ASIC2: variants seen among roughly 807,000 people sequenced by gnomAD.
ASIC2 encodes acid sensing ion channel subunit 2, also known as acid-sensing ion channel 2.
In ASIC2, 25 loss-of-function variants were observed where a neutral mutation model predicts 57.3. The observed-to-expected ratio is 0.44, with a 90% CI of 0.32 to 0.61. The LOEUF is 0.61. ASIC2 is among the 20% of genes least tolerant of loss of function. The probability of loss-of-function intolerance (pLI) is 0.06; values close to 1 mark genes in which losing one functional copy is unlikely to be tolerated. For synonymous variants in ASIC2, 319 were observed against 307.5 expected (o/e 1.04, Z -0.39); for missense variants, 641 against 738.1 (o/e 0.87, Z 1.52).
At chr17:33,058,527 C>CT (rs1214270416) in intron 3 of ASIC2, among the ~76,000 whole-genome samples, 1 of 147,328 alleles carries the variant, frequency 6.8e-6, no homozygotes, top group Non-Finnish European at 1.5e-5. Context: ...CACCAAACAT[C>CT]TTTTTGCTTC....
At chr17:33,440,780 C>G (rs1911795996) in intron 1 of ASIC2, among the ~76,000 whole-genome samples, 1 of 152,114 alleles carries the variant, frequency 6.6e-6, no homozygotes, top group African/African-American at 2.4e-5. Context: ...AATGTGTACT[C>G]AAATCTTTTA....
intron 1 of ASIC2, among the ~76,000 whole-genome samples, chr17:33,665,679 A>G (rs898501968): frequency 6.6e-6 from 1 of 152,226 alleles, no homozygotes; most frequent in African/African-American, 2.4e-5. Context: ...TAATCCAAGT[A>G]TATTTTCCAA....
intron 1 of ASIC2, among the ~76,000 whole-genome samples, chr17:33,722,366 G>T (rs893713622): frequency 6.6e-6 from 1 of 152,168 alleles, no homozygotes; most frequent in African/African-American, 2.4e-5. Flanking sequence ...CCCAGTCTCA[G>T]GTATGTCCTT....
chr17:33,487,337 C>T (rs1913606460), intron 1 of ASIC2, among the ~76,000 whole-genome samples: 1 of 152,204 alleles, frequency 6.6e-6, no homozygotes, highest in Non-Finnish European at 1.5e-5. Context: ...AGGGGCCCCA[C>T]ATTGATACTG....
At chr17:33,405,752 G>A (rs1910451833) in intron 1 of ASIC2, among the ~76,000 whole-genome samples, 1 of 151,964 alleles carries the variant, frequency 6.6e-6, no homozygotes, top group South Asian at 2.1e-4. Flanking sequence ...AAAGTGCTGG[G>A]ATTACAGGCT....
chr17:33,316,976 C>T (rs1416330245), intron 1 of ASIC2, among the ~76,000 whole-genome samples: 1 of 152,222 alleles, frequency 6.6e-6, no homozygotes, highest in African/African-American at 2.4e-5. Context: ...ACGCCCTGCA[C>T]ATTTCTCTTT....
rs552752834 is a variant in ASIC2, at chr17:33,421,640, C to T, written c.556-309573G>A. 3.7e-4 allele frequency among the ~76,000 whole-genome samples: 56 copies of T among 152,244 alleles called. 1 individual carries two copies. Among genetic ancestry groups the T allele is most frequent in the Middle Eastern group, 6.8e-3 (2 of 294 alleles). ...GGTAGACAAAGAGAAATCAGAGCAGCGGAAGGCAAAAGTGAGGTTTGTTTT... is the reference window on the plus strand; with the variant it reads ...GGTAGACAAAGAGAAATCAGAGCAGTGGAAGGCAAAAGTGAGGTTTGTTTT... On this transcript the variant is annotated intron_variant, in intron 1 of 9. Coordinates refer to the ASIC2 transcript ENST00000359872.
At chr17:33,888,313 A>G (rs1914877752) in intron 1 of ASIC2, among the ~76,000 whole-genome samples, 1 of 152,194 alleles carries the variant, frequency 6.6e-6, no homozygotes, top group African/African-American at 2.4e-5. Context: ...ACAAAGGCCC[A>G]GCATAGCAAG....
At chr17:33,975,580 T>A (rs1310721231) in intron 1 of ASIC2, among the ~76,000 whole-genome samples, 2 of 152,110 alleles carry the variant, frequency 1.3e-5, no homozygotes, top group Non-Finnish European at 2.9e-5. Flanking sequence ...TAATAACTCA[T>A]GCTCCCATGG....
intron 1 of ASIC2, among the ~76,000 whole-genome samples, chr17:34,124,720 T>C (rs190852809): frequency 3.3e-5 from 5 of 152,298 alleles, no homozygotes; most frequent in East Asian, 3.9e-4. Context: ...TCCCAGTTTA[T>C]ACGTGGCTGC....
At chr17:33,415,237 A>T (rs1910801886) in intron 1 of ASIC2, among the ~76,000 whole-genome samples, 1 of 152,166 alleles carries the variant, frequency 6.6e-6, no homozygotes, top group South Asian at 2.1e-4. Flanking sequence ...GGCCCAGGAC[A>T]CCTCAGGGAC....
At chr17:34,069,040 C>T (rs1271499761) in intron 1 of ASIC2, among the ~76,000 whole-genome samples, 3 of 152,244 alleles carry the variant, frequency 2.0e-5, no homozygotes, top group South Asian at 2.1e-4. Context: ...CTGGCTCCCA[C>T]TGACACAGGA....
At chr17:33,766,422 C>T (rs145593116) in intron 1 of ASIC2, among the ~76,000 whole-genome samples, 2 of 152,160 alleles carry the variant, frequency 1.3e-5, no homozygotes, top group African/African-American at 2.4e-5. Context: ...TTCCTTGAAG[C>T]CTCTCTGCTA....
chr17:34,054,737 G>A (rs992376387), intron 1 of ASIC2, among the ~76,000 whole-genome samples: 1 of 152,118 alleles, frequency 6.6e-6, no homozygotes, highest in Non-Finnish European at 1.5e-5. Context: ...AGGGCTGAAG[G>A]AGATGACATA....
chr17:33,539,841 A>G (rs141266009), intron 1 of ASIC2, among the ~76,000 whole-genome samples: 13 of 152,306 alleles, frequency 8.5e-5, no homozygotes, highest in African/African-American at 3.1e-4. Context: ...CATGAGACCC[A>G]TGCAGTGTCA....
intron 1 of ASIC2, among the ~76,000 whole-genome samples, chr17:33,797,605 A>T (rs936087539): frequency 6.6e-6 from 1 of 152,208 alleles, no homozygotes; most frequent in African/African-American, 2.4e-5. Context: ...TGTGTACAGC[A>T]TTATTGATGG....
At chr17:33,775,354 G>T (rs1911236290) in intron 1 of ASIC2, among the ~76,000 whole-genome samples, 1 of 152,194 alleles carries the variant, frequency 6.6e-6, no homozygotes, top group South Asian at 2.1e-4. Context: ...GCAGTACACT[G>T]GGACTCAGCA....
intron 1 of ASIC2, among the ~76,000 whole-genome samples, chr17:33,430,030 AC>A (rs1296932357): frequency 6.6e-6 from 1 of 151,926 alleles, no homozygotes; most frequent in African/African-American, 2.4e-5. Context: ...AGACTATAGA[AC>A]CCTTCCCTTT....
chr17:33,015,349 C>T (rs1211356573), intron 9 of ASIC2, among the ~76,000 whole-genome samples: 1 of 152,174 alleles, frequency 6.6e-6, no homozygotes, highest in East Asian at 1.9e-4. Context: ...CACAGAGGGG[C>T]TGCCCTCGGG....
Sources: allele counts gnomAD v4.1 joint callset (sites outside exome capture counted in the v4.1 genomes callset), GRCh38; gene constraint gnomAD v4.1.1; transcripts MANE v1.5; gene names NCBI Gene and HGNC (gene_info 2026-07-23, HGNC 2026-07-21).